EIF2S3: variants seen among roughly 807,000 people sequenced by gnomAD.
EIF2S3 encodes eukaryotic translation initiation factor 2 subunit gamma.
EIF2S3 carries 2 observed loss-of-function variants against 31.7 expected under a neutral mutation model. The observed-to-expected ratio is 0.06, with a 90% CI of 0.03 to 0.20. The LOEUF (loss-of-function observed/expected upper bound fraction) is 0.20, where lower values mean the gene tolerates loss of function less well. Among genes scored for constraint, EIF2S3 ranks in the 10% least tolerant of loss-of-function variants. EIF2S3 has a pLI of 1.00. For missense variants in EIF2S3, 96 were observed against 359.3 expected (o/e 0.27, Z 5.92); for synonymous variants, 120 against 126.7 (o/e 0.95, Z 0.36).
At chrX:24,055,789 C>T in intron 2 of EIF2S3, 111 bp downstream of exon 2, 1 of 768,603 alleles carries the variant, frequency 1.3e-6, no homozygotes, top group Non-Finnish European at 1.9e-6. Flanking sequence ...GAAATAGATA[C>T]TGAGTCCTTG....
intron 11 of EIF2S3, among the ~76,000 whole-genome samples, chrX:24,074,630 T>TCCCTCAAC (rs1477280719): frequency 1.8e-5 from 2 of 110,683 alleles, no homozygotes; most frequent in Non-Finnish European, 1.9e-5. Flanking sequence ...TGCAGTATCC[T>TCCCTCAAC]CCCTCAACTC....
At chrX:24,058,544 T>G (rs1397430191) in intron 4 of EIF2S3, among the ~76,000 whole-genome samples, 1 of 94,180 alleles carries the variant, frequency 1.1e-5, no homozygotes, top group Non-Finnish European at 2.1e-5. Context: ...TTCTTTTTTT[T>G]TTTTTTTTTT....
At chrX:24,056,074 C>G (rs1043760613) in intron 2 of EIF2S3, among the ~76,000 whole-genome samples, 1 of 111,573 alleles carries the variant, frequency 9.0e-6, no homozygotes, top group Non-Finnish European at 1.9e-5. Flanking sequence ...TAATTGGCAC[C>G]TAGAACTTTA....
intron 5 of EIF2S3, among the ~76,000 whole-genome samples, chrX:24,061,751 T>C (rs1208937802): frequency 9.0e-6 from 1 of 111,059 alleles, no homozygotes; most frequent in Non-Finnish European, 1.9e-5. Context: ...CTGATATTAG[T>C]AAAAATTCAT....
At chrX:24,075,783 C>T (rs1249947606) in intron 11 of EIF2S3, among the ~76,000 whole-genome samples, 1 of 111,258 alleles carries the variant, frequency 9.0e-6, no homozygotes, top group Non-Finnish European at 1.9e-5. Context: ...GTTGACCAGG[C>T]TGGAGTTTAG....
At position 24,068,013 on chromosome X, in the gene EIF2S3, A is replaced by G. The variant is rs1930605386; in HGVS notation, c.917A>G (p.Glu306Gly). Reference protein sequence around the residue: ...VRPGIVSKDSEGKLMCKPIFS... With the variant: ...VRPGIVSKDSGGKLMCKPIFS... Reference sequence around the variant, plus strand: ...CCTGGTATTGTTTCCAAAGATAGTGAAGGAAAACTCATGTGTAAACCAATC... The same window carrying G: ...CCTGGTATTGTTTCCAAAGATAGTGGAGGAAAACTCATGTGTAAACCAATC... Residue 306 changes from glutamate (E) to glycine (G), a missense_variant, in exon 9 of 12, where the codon GAA becomes GGA. Glu to Gly is a moderately conservative substitution (Grantham distance 98). Around this residue, in one of 5 missense-constraint regions of EIF2S3, gnomAD observed 30 missense variants for 139.5 expected, o/e 0.22. Coordinates refer to ENST00000253039, the MANE Select transcript of EIF2S3 (RefSeq NM_001415.4). The G allele has an allele frequency of 3.3e-6, 4 of 1,203,412 alleles. No homozygotes were observed. Among genetic ancestry groups the G allele is most frequent in the Non-Finnish European group, 4.5e-6 (4 of 890,770 alleles).
chrX:24,055,116 T>G (rs1930380463), intron 1 of EIF2S3, 79 bp downstream of exon 1: 1 of 1,089,351 alleles, frequency 9.2e-7, no homozygotes, highest in Non-Finnish European at 1.3e-6. Flanking sequence ...TTGGGACTAG[T>G]CAGTGTCGGG....
intron 11 of EIF2S3, among the ~76,000 whole-genome samples, chrX:24,075,765 GTC>G (rs1178093796): frequency 9.0e-6 from 1 of 110,897 alleles, no homozygotes; most frequent in Non-Finnish European, 1.9e-5. Context: ...TAGAGGCAGG[GTC>G]TCTCTGTTGA....
chrX:24,065,056 C>G (rs1224591911), intron 7 of EIF2S3, among the ~76,000 whole-genome samples: 2 of 111,629 alleles, frequency 1.8e-5, no homozygotes, highest in Non-Finnish European at 3.8e-5. Flanking sequence ...GTAGCCTTCT[C>G]GAAACAGACA....
In EIF2S3 at chrX:24,058,790, C is replaced by A. The variant is rs181902135; in HGVS notation, c.383+1036C>A. The stretch of plus-strand genomic sequence containing the variant: ...TGCAGTGGTAGAGACGGGGTTTTAC[C>A]ATGTTGGCCAGGATGGTCTCGATCT... On this transcript the variant is annotated intron_variant, in intron 4 of 11. Coordinates refer to ENST00000253039, the MANE Select transcript of EIF2S3 (RefSeq NM_001415.4). Among the ~76,000 whole-genome samples the A allele has an allele frequency of 1.5e-4, 17 of 110,006 alleles. 1 individual carries two copies. The East Asian group carries it at 2.6e-3, about 17-fold the overall frequency.
intron 2 of EIF2S3, among the ~76,000 whole-genome samples, chrX:24,056,867 T>G (rs1930411967): frequency 9.0e-6 from 1 of 111,319 alleles, no homozygotes; most frequent in Admixed American, 9.6e-5. Context: ...TGTCCCAGAG[T>G]ATATTTTTTA....
intron 8 of EIF2S3, 42 bp downstream of exon 8, chrX:24,066,134 T>TG (rs199563009): frequency 0.015 from 14,004 of 962,012 alleles, 90 homozygotes; most frequent in Non-Finnish European, 0.016. Context: ...GTTTTTTTTT[T>TG]TTGTTGTTTG....
chrX:24,055,137 A>G (rs1409745508), intron 1 of EIF2S3, 100 bp downstream of exon 1: 33 of 988,602 alleles, frequency 3.3e-5, no homozygotes, highest in Non-Finnish European at 3.5e-5. Flanking sequence ...AGCATGGGTC[A>G]GGAGCCTGGG....
intron 11 of EIF2S3, among the ~76,000 whole-genome samples, chrX:24,074,859 C>CTTTTTT (rs1316212428): frequency 1.9e-4 from 5 of 26,173 alleles, no homozygotes; most frequent in Non-Finnish European, 3.9e-4. Context: ...TTTTTTTCTT[C>CTTTTTT]TTCTTTTTTT....
At chrX:24,056,501 C>T (rs1346916485) in intron 2 of EIF2S3, among the ~76,000 whole-genome samples, 1 of 112,045 alleles carries the variant, frequency 8.9e-6, no homozygotes, top group African/African-American at 3.2e-5. Context: ...TTCACAGATC[C>T]CTTTTTGTTG....
intron 4 of EIF2S3, among the ~76,000 whole-genome samples, chrX:24,059,054 G>T (rs1569277988): frequency 8.9e-6 from 1 of 112,188 alleles, no homozygotes; most frequent in Non-Finnish European, 1.9e-5. Context: ...TTTTTTGGCA[G>T]TCTCTTAAAT....
chrX:24,075,360 C>T (rs143740220), intron 11 of EIF2S3, among the ~76,000 whole-genome samples: 1 of 110,650 alleles, frequency 9.0e-6, no homozygotes, highest in Non-Finnish European at 1.9e-5. Flanking sequence ...AGGAAGCATA[C>T]ACACATTTTT....
At chrX:24,059,970 G>A (rs891839160) in intron 4 of EIF2S3, 118 bp from the exon 5 acceptor site, 41 of 544,625 alleles carry the variant, frequency 7.5e-5, no homozygotes, top group Non-Finnish European at 1.1e-4. Context: ...GACAAGCCCT[G>A]TAACCATTTT....
chrX:24,075,057 G>T (rs189812745), intron 11 of EIF2S3, among the ~76,000 whole-genome samples: 2 of 108,569 alleles, frequency 1.8e-5, no homozygotes, highest in Admixed American at 1.0e-4. Flanking sequence ...TAGAGACGGG[G>T]TTTCACCACG....
Sources: allele counts gnomAD v4.1 joint callset (sites outside exome capture counted in the v4.1 genomes callset), GRCh38; gene constraint gnomAD v4.1.1; regional missense constraint gnomAD v4.1.1; transcripts MANE v1.5; gene names NCBI Gene and HGNC (gene_info 2026-07-23, HGNC 2026-07-21).